Variants in PABPC1L observed in about 807,000 individuals in gnomAD.
The protein encoded by PABPC1L is polyadenylate-binding protein 1-like.
PABPC1L carries 31 observed loss-of-function variants against 66.6 expected under a neutral mutation model. That is an observed-to-expected ratio of 0.47 (90% CI 0.35 to 0.63). PABPC1L has a LOEUF of 0.63. PABPC1L is among the 20% of genes least tolerant of loss of function. The probability of loss-of-function intolerance (pLI) is 0.00; values close to 1 mark genes in which losing one functional copy is unlikely to be tolerated. For missense variants in PABPC1L, 722 were observed against 848.8 expected (o/e 0.85, Z 1.86); for synonymous variants, 348 against 335.1 (o/e 1.04, Z -0.42).
At chr20:44,938,038 C>A in intron 12 of PABPC1L, 23 bp from the exon 13 acceptor site, 1 of 1,614,022 alleles carries the variant, frequency 6.2e-7, no homozygotes, top group Non-Finnish European at 8.5e-7. Flanking sequence ...CGTGCACAAG[C>A]CATTAGAAGG....
At chr20:44,937,281 C>G (rs2066908686) in intron 12 of PABPC1L, 2 of 300,648 alleles carry the variant, frequency 6.7e-6, no homozygotes, top group Non-Finnish European at 1.3e-5. Flanking sequence ...AAGCTTGTTC[C>G]TGGTTGGCAG....
rs1315808324 is a variant in PABPC1L, at chr20:44,938,021, G to A, written c.1661-40G>A. 4 of 1,613,340 alleles carry A rather than the reference G, an allele frequency of 2.5e-6. No individual in the cohort carries two copies. The African/African-American group carries it at 5.3e-5, about 22-fold the overall frequency. ...CGAGCCCTGGGATGCTGGGGTGTGA[G>A]CTAGGCCGTGCACAAGCCATTAGAA... On this transcript the variant is annotated intron_variant, in intron 12 of 14. Coordinates refer to ENST00000217073, the MANE Select transcript of PABPC1L (RefSeq NM_001372179.1).
intron 11 of PABPC1L, 39 bp downstream of exon 11, chr20:44,935,536 C>T (rs1156847544): frequency 6.4e-7 from 1 of 1,558,526 alleles, no homozygotes; most frequent in Non-Finnish European, 8.8e-7. Context: ...GCCTGGGCTC[C>T]TGGCCGCCTG....
intron 8 of PABPC1L, chr20:44,932,126 C>T: frequency 5.1e-6 from 2 of 389,632 alleles, no homozygotes; most frequent in Non-Finnish European, 4.5e-6. Context: ...TGACAGGGAG[C>T]CAAGATTGAA....
At position 44,913,413 on chromosome 20, in the gene PABPC1L, G is replaced by GT. The variant is rs1201946342; in HGVS notation, c.387+572dup. Among the ~76,000 whole-genome samples the GT allele has an allele frequency of 4.4e-3, 639 of 145,618 alleles. 2 individuals carry two copies. Among genetic ancestry groups the GT allele is most frequent in the Non-Finnish European group, 4.9e-3 (323 of 65,870 alleles). On this transcript the variant is annotated intron_variant, in intron 2 of 14. Coordinates refer to ENST00000217073, the MANE Select transcript of PABPC1L (RefSeq NM_001372179.1). ...GAACTGGAACCATCACTTCCACTACGTTTTTTTTTTTTAATTGAGATGCAG... is the reference window on the plus strand; with the variant it reads ...GAACTGGAACCATCACTTCCACTACGTTTTTTTTTTTTTAATTGAGATGCAG...
intron 3 of PABPC1L, among the ~76,000 whole-genome samples, chr20:44,917,360 GA>G (rs1339259114): frequency 2.0e-5 from 2 of 101,782 alleles, no homozygotes; most frequent in Non-Finnish European, 3.9e-5. Flanking sequence ...CTAATTTTTT[GA>G]TTTTTTTTTT....
intron 9 of PABPC1L, 56 bp from the exon 10 acceptor site, chr20:44,933,001 G>A (rs1215235989): frequency 8.0e-7 from 1 of 1,243,106 alleles, no homozygotes; most frequent in African/African-American, 1.5e-5. Flanking sequence ...GTGCCACCCT[G>A]ATTATTCCCA....
chr20:44,936,591 A>T lies in PABPC1L; in HGVS notation c.1567-46A>T, dbSNP rs770877898. ...TTGCCAGGGTAAGTATTTTGAGGAC[A>T]TGCCTGTCCATGGTGATTAAGGGAT... On this transcript the variant is annotated intron_variant, in intron 11 of 14. Coordinates refer to ENST00000217073, the MANE Select transcript of PABPC1L (RefSeq NM_001372179.1). 5.4e-6 allele frequency: 8 copies of T among 1,467,920 alleles called. No individual in the cohort carries two copies. The South Asian group carries it at 9.0e-5, about 17-fold the overall frequency. The allele number at this position is 1,467,920 out of a possible 1,614,324, so 90.9% of individuals were successfully genotyped here. A position where few individuals can be genotyped will look rare whatever the true frequency, so the allele number is the denominator to read the frequency against.
At chr20:44,912,296 C>T (rs1601105188) in intron 1 of PABPC1L, among the ~76,000 whole-genome samples, 1 of 152,172 alleles carries the variant, frequency 6.6e-6, no homozygotes, top group African/African-American at 2.4e-5. Context: ...GTTATCCACT[C>T]AGTGTACTTT....
intron 3 of PABPC1L, 114 bp downstream of exon 3, chr20:44,916,985 G>A (rs2066742392): frequency 4.2e-6 from 4 of 957,926 alleles, no homozygotes; most frequent in Admixed American, 2.0e-5. Context: ...CACTTGAGCG[G>A]CAGGCAGCCC....
chr20:44,924,274 C>T lies in PABPC1L; in HGVS notation c.972+18C>T, dbSNP rs919210014. 2.0e-5 allele frequency: 31 copies of T among 1,572,526 alleles called. No individual in the cohort carries two copies. Among genetic ancestry groups the T allele is most frequent in the Admixed American group, 3.3e-5 (2 of 59,872 alleles). On this transcript the variant is annotated intron_variant, in intron 7 of 14. Coordinates refer to ENST00000217073, the MANE Select transcript of PABPC1L (RefSeq NM_001372179.1). ...GTGCGAAGGTGAGGACTGGGGGCAC[C>T]TCCGGGGGACAGCGTTCCCCTCCAT...
rs2066791984 is a variant in PABPC1L at position 44,924,071 on chromosome 20, C to T, written c.877-90C>T. 3 of 1,051,064 alleles carry T rather than the reference C, an allele frequency of 2.9e-6. No individual in the cohort carries two copies. In the Admixed American group the frequency reaches 5.2e-5, roughly 18 times the overall value. 65.1% of individuals were successfully genotyped at this position (1,051,064 alleles called of 1,614,324 possible). A position where few individuals can be genotyped will look rare whatever the true frequency, so the allele number is the denominator to read the frequency against. On this transcript the variant is annotated intron_variant, in intron 6 of 14. Transcript: ENST00000217073. ...GCTGGGCTGGTGGGGCTCCCCATGCCCCTTGTACCTGCGTCAGTTCCCTGA... is the reference window on the plus strand; with the variant it reads ...GCTGGGCTGGTGGGGCTCCCCATGCTCCTTGTACCTGCGTCAGTTCCCTGA...
intron 10 of PABPC1L, among the ~76,000 whole-genome samples, chr20:44,934,989 A>T (rs1002273334): frequency 2.6e-5 from 4 of 151,850 alleles, no homozygotes; most frequent in African/African-American, 9.7e-5. Context: ...AATTGATTGA[A>T]CCCAGGAGGG....
At chr20:44,936,466 T>G (rs2066901211) in intron 11 of PABPC1L, among the ~76,000 whole-genome samples, 171 bp from the exon 12 acceptor site, 1 of 152,210 alleles carries the variant, frequency 6.6e-6, no homozygotes, top group South Asian at 2.1e-4. Context: ...CTTTGTCTTC[T>G]AATCCACTTT....
intron 5 of PABPC1L, 43 bp downstream of exon 5, chr20:44,919,320 A>T: frequency 6.3e-7 from 1 of 1,598,820 alleles, no homozygotes; most frequent in Non-Finnish European, 8.6e-7. Context: ...AGGGGGACCG[A>T]GCTGGGACTA....
chr20:44,926,268 C>T (rs2066808489), intron 7 of PABPC1L, among the ~76,000 whole-genome samples: 1 of 152,056 alleles, frequency 6.6e-6, no homozygotes, highest in African/African-American at 2.4e-5. Context: ...GCTCTGTTGC[C>T]CAGGCTAGAG....
chr20:44,925,927 G>A (rs541795545), intron 7 of PABPC1L, among the ~76,000 whole-genome samples: 1 of 152,138 alleles, frequency 6.6e-6, no homozygotes, highest in Non-Finnish European at 1.5e-5. Context: ...GAGGCAAGTG[G>A]CTTTGCTTTT....
intron 7 of PABPC1L, among the ~76,000 whole-genome samples, chr20:44,928,211 C>G (rs997939676): frequency 1.2e-4 from 19 of 152,126 alleles, no homozygotes; most frequent in African/African-American, 4.6e-4. Context: ...GCTGAGATTA[C>G]AGGCACCCGC....
rs1220134066 is a variant in PABPC1L at position 44,916,791 on chromosome 20, C to G, written c.423C>G (p.Gly141=). 1 of 1,614,118 alleles carries G rather than the reference C, an allele frequency of 6.2e-7. No individual in the cohort carries two copies. The highest frequency in any genetic ancestry group is 8.5e-7 in the Non-Finnish European group (1 of 1,180,054). ...ACGAGCATGGCTCCCGGGGTTTCGG[C>G]TTTGTCCATTTTGAGACCCATGAGG... is the stretch of plus-strand genomic sequence containing the variant. ...ACDEHGSRGF[G]FVHFETHEAA... is the part of the protein sequence containing the mutation. Residue 141 remains glycine, a synonymous_variant, in exon 3 of 15, where the codon GGC becomes GGG. Transcript: ENST00000217073.
Sources: gnomAD v4.1 joint callset for allele counts (sites outside exome capture counted in the v4.1 genomes callset) on GRCh38, gnomAD v4.1.1 for gene constraint, MANE v1.5 for transcripts, NCBI Gene and HGNC (gene_info 2026-07-23, HGNC 2026-07-21) for gene names.